Variants in STX12 observed in about 807,000 individuals in gnomAD.
STX12 encodes the protein syntaxin 12.
Under a neutral mutation model 42.2 loss-of-function variants are expected in STX12, and 17 were observed. The ratio of observed to expected loss-of-function variants is 0.40; its 90% confidence interval spans 0.28 to 0.60. The LOEUF (loss-of-function observed/expected upper bound fraction) is 0.60, where lower values mean the gene tolerates loss of function less well. Among genes scored for constraint, STX12 ranks in the 20% least tolerant of loss-of-function variants. The pLI is 0.39. For synonymous variants in STX12, 108 were observed against 116.7 expected (o/e 0.93, Z 0.48); for missense variants, 297 against 330.9 (o/e 0.90, Z 0.79).
In STX12 at chr1:27,822,503, T is replaced by G; in HGVS notation, c.*174T>G. The G allele has an allele frequency of 2.0e-6, 1 of 495,654 alleles. No homozygotes were observed. The highest frequency in any genetic ancestry group is 3.0e-5 in the East Asian group (1 of 32,802). The allele number at this position is 495,654 out of a possible 1,614,324, so 30.7% of individuals were successfully genotyped here. A position where few individuals can be genotyped will look rare whatever the true frequency, so the allele number is the denominator to read the frequency against. On this transcript the variant is annotated 3_prime_UTR_variant, in exon 9 of 9. Coordinates refer to ENST00000373943, the MANE Select transcript of STX12 (RefSeq NM_177424.3). Reference sequence around the variant, plus strand: ...ATTCGTGACCTATGGAGACAGTAATTATCAATTTATTGATTCTATTGATTT... The same window carrying G: ...ATTCGTGACCTATGGAGACAGTAATGATCAATTTATTGATTCTATTGATTT...
At chr1:27,793,478 T>A in intron 2 of STX12, 55 bp from the exon 3 acceptor site, 2 of 1,471,916 alleles carry the variant, frequency 1.4e-6, no homozygotes, top group African/African-American at 1.4e-5. Context: ...AGTGGTTCTG[T>A]GTATAACCCT....
chr1:27,796,517 G>A lies in STX12; in HGVS notation c.288+2885G>A, dbSNP rs574410862. On this transcript the variant is annotated intron_variant, in intron 3 of 8. Transcript: ENST00000373943. The stretch of plus-strand genomic sequence containing the variant: ...AGTGATCCTCCCACCTTAGCTTCTC[G>A]AGTAGCTAGGACCACAGGCATGTGC... Among the ~76,000 whole-genome samples, 9 of 152,110 alleles carry A rather than the reference G, an allele frequency of 5.9e-5. No individual in the cohort carries two copies. The East Asian group carries it at 7.7e-4, about 13-fold the overall frequency.
intron 4 of STX12, 165 bp from the exon 5 acceptor site, chr1:27,810,081 A>G (rs935162593): frequency 9.3e-5 from 56 of 599,558 alleles, no homozygotes; most frequent in Admixed American, 4.1e-4. Flanking sequence ...ACCACTTTAC[A>G]CCCACTTCTT....
At chr1:27,811,972 T>C in intron 5 of STX12, 191 bp from the exon 6 acceptor site, 1 of 661,476 alleles carries the variant, frequency 1.5e-6, no homozygotes, top group Admixed American at 2.1e-5. Flanking sequence ...GCTGAGTCTT[T>C]GTTTTCCTGA....
intron 3 of STX12, among the ~76,000 whole-genome samples, chr1:27,799,652 T>A (rs2088813880): frequency 6.6e-6 from 1 of 151,680 alleles, no homozygotes; most frequent in African/African-American, 2.4e-5. Flanking sequence ...CCTGGCTAAT[T>A]TTTTGTATTT....
rs1048472811 is a variant in STX12, at chr1:27,779,621, C to T, written c.118+6196C>T. Among the ~76,000 whole-genome samples, 6 of 151,506 alleles carry T rather than the reference C, an allele frequency of 4.0e-5. No individual in the cohort carries two copies. The Middle Eastern group carries it at 0.01, about 263-fold the overall frequency. On this transcript the variant is annotated intron_variant, in intron 1 of 8. Transcript: ENST00000373943. ...TGCTGGGATTACAGGCATGAGCCAC[C>T]GTGCCTGGCCTGAATCAGATCTTAA...
intron 3 of STX12, among the ~76,000 whole-genome samples, chr1:27,801,434 A>C (rs2088827785): frequency 6.6e-6 from 1 of 152,006 alleles, no homozygotes; most frequent in Non-Finnish European, 1.5e-5. Context: ...AAGAAGAAGA[A>C]GTTAAATGCA....
rs1487119521 is a variant in STX12, at chr1:27,789,519, G to A, written c.119-43G>A. 3.4e-6 allele frequency: 5 copies of A among 1,483,124 alleles called. No individual in the cohort carries two copies. In the South Asian group the frequency reaches 5.9e-5, roughly 17 times the overall value. The allele number at this position is 1,483,124 out of a possible 1,614,324, so 91.9% of individuals were successfully genotyped here. A position where few individuals can be genotyped will look rare whatever the true frequency, so the allele number is the denominator to read the frequency against. On this transcript the variant is annotated intron_variant, in intron 1 of 8. Transcript: ENST00000373943. ...TAGAAGTAGGGTACTCATGATGAAT[G>A]TATTTTTCTTTTAAATAAATCTTTT...
At chr1:27,812,129 G>T in intron 5 of STX12, 34 bp from the exon 6 acceptor site, 1 of 1,522,338 alleles carries the variant, frequency 6.6e-7, no homozygotes, top group Non-Finnish European at 8.9e-7. Context: ...GCCTTTGAGA[G>T]GAGAAATCAC....
At chr1:27,782,526 T>C (rs34192207) in intron 1 of STX12, among the ~76,000 whole-genome samples, 332 of 152,272 alleles carry the variant, frequency 2.2e-3, no homozygotes, top group Middle Eastern at 3.4e-3. Flanking sequence ...TTTACTGTTA[T>C]GGTACAGTGG....
intron 3 of STX12, among the ~76,000 whole-genome samples, chr1:27,799,477 G>GTTTTTTTTTGTTTTT (rs2088811549): frequency 7.7e-6 from 1 of 130,714 alleles, no homozygotes; most frequent in African/African-American, 3.2e-5. Context: ...TCATTAGCTT[G>GTTTTTTTTTGTTTTT]TTTTTTTTTT....
intron 6 of STX12, among the ~76,000 whole-genome samples, chr1:27,816,379 C>T (rs2088941537): frequency 1.3e-5 from 2 of 151,702 alleles, no homozygotes; most frequent in Non-Finnish European, 2.9e-5. Flanking sequence ...GAGGATGAGG[C>T]AGGAGAATCA....
intron 5 of STX12, among the ~76,000 whole-genome samples, chr1:27,811,330 C>A (rs2088902188): frequency 6.7e-6 from 1 of 148,332 alleles, no homozygotes; most frequent in South Asian, 2.2e-4. Flanking sequence ...AAAAGCCAGG[C>A]ATGGTGGCTC....
chr1:27,790,842 G>A (rs930821829), intron 2 of STX12, among the ~76,000 whole-genome samples: 2 of 152,184 alleles, frequency 1.3e-5, no homozygotes, highest in African/African-American at 2.4e-5. Flanking sequence ...TCAGGAGGCT[G>A]AGGCAGGAAA....
intron 6 of STX12, among the ~76,000 whole-genome samples, chr1:27,813,881 A>G (rs1188204630): frequency 6.6e-6 from 1 of 152,132 alleles, no homozygotes; most frequent in Non-Finnish European, 1.5e-5. Flanking sequence ...CCTAAAGGCC[A>G]TCAATGTCTG....
chr1:27,813,955 C>T (rs2088921285), intron 6 of STX12, among the ~76,000 whole-genome samples: 1 of 152,074 alleles, frequency 6.6e-6, no homozygotes, highest in Non-Finnish European at 1.5e-5. Flanking sequence ...GGCAGGAGTG[C>T]AGTGGCGCGT....
intron 2 of STX12, among the ~76,000 whole-genome samples, chr1:27,792,126 ATCT>A (rs1380009346): frequency 0.017 from 2,293 of 131,756 alleles, 243 homozygotes; most frequent in African/African-American, 0.073. Context: ...TATAATATAT[ATCT>A]ATATATGTAT....
chr1:27,774,667 T>C (rs1248483519), intron 1 of STX12, among the ~76,000 whole-genome samples: 1 of 134,094 alleles, frequency 7.5e-6, no homozygotes, highest in Non-Finnish European at 1.5e-5. Context: ...CCTAATTTTT[T>C]TGATTTAAAA....
intron 4 of STX12, among the ~76,000 whole-genome samples, chr1:27,808,133 T>C (rs1042624350): frequency 1.3e-5 from 2 of 152,054 alleles, no homozygotes; most frequent in African/African-American, 4.8e-5. Context: ...ATGTTATTTC[T>C]TGATCTGGGG....
Sources: gnomAD v4.1 joint callset for allele counts (sites outside exome capture counted in the v4.1 genomes callset) on GRCh38, gnomAD v4.1.1 for gene constraint, MANE v1.5 for transcripts, NCBI Gene and HGNC (gene_info 2026-07-23, HGNC 2026-07-21) for gene names.